AKAP12: variants seen among roughly 807,000 people sequenced by gnomAD.
AKAP12 encodes A-kinase anchoring protein 12.
Under a neutral mutation model 79.9 loss-of-function variants are expected in AKAP12, and 32 were observed. The ratio of observed to expected loss-of-function variants is 0.40; its 90% CI spans 0.30 to 0.54. The LOEUF (loss-of-function observed/expected upper bound fraction) is 0.54. Among genes scored for constraint, AKAP12 ranks in the 20% least tolerant of loss-of-function variants. AKAP12 has a pLI of 0.48. For missense variants in AKAP12, 2,074 were observed against 2,177.0 expected (o/e 0.95, Z 0.94); for synonymous variants, 808 against 857.0 (o/e 0.94, Z 1.00).
intron 2 of AKAP12, among the ~76,000 whole-genome samples, chr6:151,269,020 A>G (rs937650337): frequency 1.4e-5 from 2 of 142,646 alleles, no homozygotes; most frequent in African/African-American, 5.2e-5. Context: ...ACAGAGGGAA[A>G]GTTGAAAATT....
chr6:151,277,038 C>T (rs2114719007), intron 2 of AKAP12, among the ~76,000 whole-genome samples: 1 of 152,164 alleles, frequency 6.6e-6, no homozygotes, highest in Non-Finnish European at 1.5e-5. Context: ...AACAAACAAA[C>T]CTAAAAACAA....
rs189251492 is a variant in AKAP12 at position 151,358,541 on chromosome 6, A to G, written c.*2827A>G. ...ATAAAATGCAATCTAATTAAATGCCATGGATTTTCTTTCTGTAATTTCACT... is the reference window on the plus strand; with the variant it reads ...ATAAAATGCAATCTAATTAAATGCCGTGGATTTTCTTTCTGTAATTTCACT... On this transcript the variant is annotated 3_prime_UTR_variant, in exon 5 of 5. Transcript: ENST00000402676. 1 of 152,342 alleles carries G rather than the reference A, an allele frequency of 6.6e-6. No homozygotes were observed. Among genetic ancestry groups the G allele is most frequent in the East Asian group, 1.9e-4 (1 of 5,186 alleles). 9.4% of individuals were successfully genotyped at this position (152,342 alleles called of 1,614,324 possible).
intron 2 of AKAP12, among the ~76,000 whole-genome samples, chr6:151,275,826 A>G (rs117621669): frequency 3.8e-3 from 583 of 152,294 alleles, no homozygotes; most frequent in Non-Finnish European, 6.5e-3. Context: ...CCAGTGTGGG[A>G]TTGCAGAAAG....
intron 2 of AKAP12, among the ~76,000 whole-genome samples, chr6:151,289,787 CT>C (rs1438543423): frequency 2.6e-5 from 4 of 152,166 alleles, no homozygotes; most frequent in East Asian, 1.9e-4. Flanking sequence ...ACCAGGTTAA[CT>C]TTGTAAAGGG....
Position 151,268,235 on chromosome 6 carries a change from A to T in AKAP12, c.162+27511A>T, listed in dbSNP as rs564154754. ...CGAGACCAGCCTGACCAACATGGAG[A>T]TGTATTTTTGTATTTCTACTAGAAA... On this transcript the variant is annotated intron_variant, in intron 2 of 4. Transcript: ENST00000402676. Among the ~76,000 whole-genome samples, 4 of 152,164 alleles carry T rather than the reference A, an allele frequency of 2.6e-5. No homozygotes were observed. In the South Asian group the frequency reaches 8.3e-4, roughly 32 times the overall value.
Position 151,326,239 on chromosome 6 carries a change from A to G in AKAP12, c.319+20336A>G, listed in dbSNP as rs575283253. On this transcript the variant is annotated intron_variant, in intron 3 of 4. Coordinates refer to ENST00000402676, the MANE Select transcript of AKAP12 (RefSeq NM_005100.4). ...AGCCGACTGAATAGAAATATGTCAG[A>G]TTTGTGTGAATTTGAAAATAAGCTG... is the stretch of plus-strand genomic sequence containing the variant. 3.8e-3 allele frequency among the ~76,000 whole-genome samples: 575 copies of G among 152,286 alleles called. 5 individuals are homozygous for G. The highest frequency in any genetic ancestry group is 0.013 in the African/African-American group (552 of 41,552).
intron 2 of AKAP12, among the ~76,000 whole-genome samples, chr6:151,278,935 G>A (rs569914365): frequency 1.4e-3 from 210 of 152,328 alleles, no homozygotes; most frequent in African/African-American, 4.7e-3. Flanking sequence ...CCAAAGTGCT[G>A]GGATTACAGG....
chr6:151,259,504 A>ATATATATACACACACATATATACATG (rs1277319065), intron 2 of AKAP12, among the ~76,000 whole-genome samples: 4 of 92,744 alleles, frequency 4.3e-5, no homozygotes, highest in Non-Finnish European at 8.0e-5. Context: ...ATACATGTAT[A>ATATATATACACACACATATATACATG]TATATATACA....
chr6:151,312,595 T>C (rs904182370), intron 3 of AKAP12, among the ~76,000 whole-genome samples: 6 of 152,016 alleles, frequency 3.9e-5, no homozygotes, highest in African/African-American at 1.5e-4. Flanking sequence ...ATCCAGACCA[T>C]CCAGGCTAAC....
chr6:151,346,268 C>T (rs1778100911), intron 3 of AKAP12, among the ~76,000 whole-genome samples: 2 of 152,074 alleles, frequency 1.3e-5, no homozygotes, highest in Admixed American at 1.3e-4. Flanking sequence ...CTTGACTTTT[C>T]CCCTCAGTGA....
At chr6:151,293,696 A>C (rs1776665103) in intron 2 of AKAP12, among the ~76,000 whole-genome samples, 1 of 152,188 alleles carries the variant, frequency 6.6e-6, no homozygotes, top group Admixed American at 6.5e-5. Flanking sequence ...TTTGTTAAAC[A>C]CGGAACTCCA....
intron 3 of AKAP12, among the ~76,000 whole-genome samples, chr6:151,345,928 T>TGAGAGAGAGAGAGA (rs1235285184): frequency 1.4e-4 from 15 of 110,802 alleles, no homozygotes; most frequent in African/African-American, 4.8e-4. Flanking sequence ...TGTGTGTGTG[T>TGAGAGAGAGAGAGA]GTGTGAGAGA....
intron 3 of AKAP12, among the ~76,000 whole-genome samples, chr6:151,316,296 G>A (rs1777233214): frequency 1.3e-5 from 2 of 152,178 alleles, no homozygotes; most frequent in Admixed American, 1.3e-4. Flanking sequence ...AAAGTGCTAT[G>A]TGCTAGATTG....
At chr6:151,262,925 TC>T (rs1386046626) in intron 2 of AKAP12, among the ~76,000 whole-genome samples, 1 of 152,212 alleles carries the variant, frequency 6.6e-6, no homozygotes, top group Non-Finnish European at 1.5e-5. Flanking sequence ...TCTAAGGTTT[TC>T]TGGGTCTCAA....
intron 2 of AKAP12, among the ~76,000 whole-genome samples, chr6:151,305,270 G>T (rs1456541243): frequency 5.3e-5 from 8 of 151,570 alleles, no homozygotes; most frequent in African/African-American, 1.9e-4. Flanking sequence ...TTCCACAGCT[G>T]CAGTTTAGTA....
intron 2 of AKAP12, among the ~76,000 whole-genome samples, chr6:151,281,468 G>A (rs542416625): frequency 1.3e-5 from 2 of 152,184 alleles, no homozygotes; most frequent in East Asian, 3.9e-4. Context: ...CAGATTTAGT[G>A]CCCACTTTAT....
chr6:151,286,962 G>A (rs1382953111), intron 2 of AKAP12, among the ~76,000 whole-genome samples: 2 of 151,052 alleles, frequency 1.3e-5, no homozygotes, highest in Non-Finnish European at 2.9e-5. Flanking sequence ...TTTTTGAGAC[G>A]GAGTCTCGCT....
intron 3 of AKAP12, among the ~76,000 whole-genome samples, chr6:151,343,504 C>T (rs900318404): frequency 2.6e-5 from 4 of 152,204 alleles, no homozygotes; most frequent in Non-Finnish European, 5.9e-5. Flanking sequence ...TTTGTGACCG[C>T]CAGGCACGGT....
At chr6:151,341,779 C>G (rs1459846722) in intron 3 of AKAP12, 1 of 1,286,516 alleles carries the variant, frequency 7.8e-7, no homozygotes, top group African/African-American at 1.6e-5. Context: ...AGGACCGGCC[C>G]GAGATGGGTG....
Sources: allele counts gnomAD v4.1 joint callset (sites outside exome capture counted in the v4.1 genomes callset), GRCh38; gene constraint gnomAD v4.1.1; transcripts MANE v1.5; gene names NCBI Gene and HGNC (gene_info 2026-07-23, HGNC 2026-07-21).